The following UBE3C variants were observed in gnomAD, a reference collection of about 807,000 sequenced individuals.
The protein encoded by UBE3C is ubiquitin protein ligase E3C.
A neutral mutation model predicts 129.4 loss-of-function variants in UBE3C; 42 were observed. That is an observed-to-expected ratio of 0.32 (90% CI 0.25 to 0.42). UBE3C has a LOEUF of 0.42. Ranked by LOEUF, UBE3C falls within the 10% of genes least tolerant of loss-of-function variation. UBE3C has a pLI of 1.00. For synonymous variants in UBE3C, 510 were observed against 492.4 expected, an observed-to-expected ratio of 1.04 and a Z score of -0.47; for missense variants, 1,049 against 1,319.1, an observed-to-expected ratio of 0.80 and a Z score of 3.17.
At chr7:157,250,055 C>T (rs747477825) in intron 19 of UBE3C, among the ~76,000 whole-genome samples, 2 of 152,138 alleles carry the variant, frequency 1.3e-5, no homozygotes, top group Non-Finnish European at 2.9e-5. Flanking sequence ...AAGTATTTCA[C>T]TCAGATAAGG....
chr7:157,163,388 C>CAAA (rs367764291), intron 1 of UBE3C, among the ~76,000 whole-genome samples: 3 of 95,216 alleles, frequency 3.2e-5, no homozygotes, highest in Non-Finnish European at 4.4e-5. Flanking sequence ...GACTCCATCT[C>CAAA]AAAAAAAAAA....
chr7:157,262,422 T>C (rs1258837945), intron 22 of UBE3C, among the ~76,000 whole-genome samples: 7 of 130,568 alleles, frequency 5.4e-5, no homozygotes, highest in Non-Finnish European at 9.7e-5. Context: ...TTTTTTTTTT[T>C]TTTTTTTTTT....
rs535922487 is a variant in UBE3C at position 157,225,819 on chromosome 7, C to T, written c.2233+280C>T. On this transcript the variant is annotated intron_variant, in intron 17 of 22. Transcript: ENST00000348165. The stretch of plus-strand genomic sequence containing the variant: ...AAGTGAGCTTATCTGGATGTGTTAG[C>T]GTGCCCCTGTTGTCCCTGCTCTGCA... Among the ~76,000 whole-genome samples, 31 of 152,198 alleles carry T rather than the reference C, an allele frequency of 2.0e-4. 1 individual carries two copies. The South Asian group carries it at 5.6e-3, about 28-fold the overall frequency.
intron 6 of UBE3C, among the ~76,000 whole-genome samples, chr7:157,180,081 A>G (rs1425981659): frequency 3.9e-5 from 6 of 152,234 alleles, no homozygotes; most frequent in East Asian, 3.8e-4. Flanking sequence ...ATGTGTCCCA[A>G]TATACGAAAT....
In UBE3C at chr7:157,207,888, C is replaced by G. The variant is rs540698913; in HGVS notation, c.1762C>G (p.Gln588Glu). Residue 588 changes from glutamine to glutamate, a missense_variant, in exon 13 of 23, where the codon CAA (glutamine) becomes GAA (glutamate). Physicochemically the swap from Gln to Glu is conservative, Grantham distance 29. Around this residue, in one of 4 missense-constraint regions of UBE3C, gnomAD observed 314 missense variants for 416.9 expected, o/e 0.75. Coordinates refer to ENST00000348165, the MANE Select transcript of UBE3C (RefSeq NM_014671.3). Reference protein sequence around the residue: ...SIGVTTSSEMQQCIQMEQKRW... With the variant: ...SIGVTTSSEMEQCIQMEQKRW... Reference sequence around the variant, plus strand: ...TGGAGTTACTACTAGCTCTGAAATGCAACAATGCATACAGATGGAACAGAA... The same window carrying G: ...TGGAGTTACTACTAGCTCTGAAATGGAACAATGCATACAGATGGAACAGAA... The G allele has an allele frequency of 6.2e-7, 1 of 1,612,106 alleles. No homozygotes were observed. The highest frequency in any genetic ancestry group is 1.3e-5 in the African/African-American group (1 of 74,932).
rs112873548 is a variant in UBE3C at position 157,172,071 on chromosome 7, C to T, written c.342+1621C>T. Among the ~76,000 whole-genome samples, 1,052 of 149,554 alleles carry T rather than the reference C, an allele frequency of 7.0e-3. 7 individuals are homozygous for T. Among genetic ancestry groups the T allele is most frequent in the Non-Finnish European group, 9.9e-3 (672 of 67,672 alleles). On this transcript the variant is annotated intron_variant, in intron 4 of 22. Transcript: ENST00000348165. The stretch of plus-strand genomic sequence containing the variant: ...TGAGACGGAGTCTTGCTCACTCTGT[C>T]GCCCAGGCTGGAGTGTAGTGGTGCG...
chr7:157,204,412 AAAAAAAT>A (rs1563055011), intron 11 of UBE3C, among the ~76,000 whole-genome samples: 3 of 151,682 alleles, frequency 2.0e-5, no homozygotes, highest in African/African-American at 7.3e-5. Context: ...AAAAAAAAAA[AAAAAAAT>A]TTCAGCTTCT....
intron 15 of UBE3C, chr7:157,221,177 G>A (rs753859825): frequency 6.0e-5 from 10 of 167,044 alleles, no homozygotes; most frequent in Non-Finnish European, 1.2e-4. Context: ...AAAGACATTT[G>A]GTTATTTTTT....
chr7:157,142,614 C>G (rs1041286945), intron 1 of UBE3C, among the ~76,000 whole-genome samples: 5 of 151,948 alleles, frequency 3.3e-5, no homozygotes, highest in African/African-American at 1.2e-4. Flanking sequence ...TACATTGATT[C>G]AAAGTCACTT....
intron 16 of UBE3C, among the ~76,000 whole-genome samples, chr7:157,224,003 C>G (rs1795806436): frequency 6.6e-6 from 1 of 151,960 alleles, no homozygotes; most frequent in Admixed American, 6.6e-5. Context: ...GTTTATTTAT[C>G]AGAAACGATG....
At chr7:157,140,067 T>C (rs1366412164) in intron 1 of UBE3C, 10 of 981,594 alleles carry the variant, frequency 1.0e-5, no homozygotes, top group Non-Finnish European at 1.2e-5. Flanking sequence ...TCTGTTCTAG[T>C]CTAGAATTTC....
chr7:157,166,178 A>G (rs959939106), intron 2 of UBE3C, among the ~76,000 whole-genome samples: 2 of 152,266 alleles, frequency 1.3e-5, no homozygotes, highest in Non-Finnish European at 2.9e-5. Flanking sequence ...TGCTTTGCTC[A>G]TTCTTTTTTC....
At chr7:157,237,780 T>A (rs926266731) in intron 18 of UBE3C, among the ~76,000 whole-genome samples, 1 of 151,956 alleles carries the variant, frequency 6.6e-6, no homozygotes, top group African/African-American at 2.4e-5. Flanking sequence ...GTGCAGTAGC[T>A]CATACCTGTA....
intron 10 of UBE3C, among the ~76,000 whole-genome samples, chr7:157,188,166 C>G (rs1808862485): frequency 6.6e-6 from 1 of 152,226 alleles, no homozygotes; most frequent in Non-Finnish European, 1.5e-5. Context: ...ACTGATGTTG[C>G]ATAGGCAAAA....
In UBE3C at chr7:157,192,703, T is replaced by A. The variant is rs544800413; in HGVS notation, c.1331+5682T>A. On this transcript the variant is annotated intron_variant, in intron 10 of 22. Transcript: ENST00000348165. Reference sequence around the variant, plus strand: ...TAGAAGGTGGATGAGAATGACAAAATGAGCTGCCTTCGTCGAGAGTGCCCT... The same window carrying A: ...TAGAAGGTGGATGAGAATGACAAAAAGAGCTGCCTTCGTCGAGAGTGCCCT... 4.4e-4 allele frequency: 351 copies of A among 795,192 alleles called. 1 individual carries two copies. In the East Asian group the frequency reaches 7.5e-3, roughly 17 times the overall value. 49.3% of individuals were successfully genotyped at this position (795,192 alleles called of 1,614,324 possible).
rs888056398 is a variant in UBE3C at position 157,207,765 on chromosome 7, C to A, written c.1639C>A (p.Arg547=). 4 of 1,614,070 alleles carry A rather than the reference C, an allele frequency of 2.5e-6. No homozygotes were observed. Among genetic ancestry groups the A allele is most frequent in the Non-Finnish European group, 3.4e-6 (4 of 1,180,012 alleles). The change falls in exon 13 of 23, where the codon CGA becomes AGA. Residue 547 remains arginine (R), a synonymous_variant. Coordinates refer to ENST00000348165, the MANE Select transcript of UBE3C (RefSeq NM_014671.3). The part of the protein sequence containing the change: ...FTLEELIMLS[R]CLRDACLGII... ...TTTAGAAGAGCTGATAATGTTGTCT[C>A]GATGCCTTCGAGATGCATGCCTGGG... is the stretch of plus-strand genomic sequence containing the variant.
At position 157,196,836 on chromosome 7, in the gene UBE3C, G is replaced by A. The variant is rs182527202; in HGVS notation, c.1332-4885G>A. Reference sequence around the variant, plus strand: ...ATACAAAAATGAGCTGGGCGTGGTGGTGCATGCCTGTAATCCCAGCTACTC... The same window carrying A: ...ATACAAAAATGAGCTGGGCGTGGTGATGCATGCCTGTAATCCCAGCTACTC... On this transcript the variant is annotated intron_variant, in intron 10 of 22. Transcript: ENST00000348165. 2.2e-3 allele frequency among the ~76,000 whole-genome samples: 335 copies of A among 152,246 alleles called. 1 individual carries two copies. The highest frequency in any genetic ancestry group is 7.6e-3 in the African/African-American group (315 of 41,536).
intron 22 of UBE3C, among the ~76,000 whole-genome samples, chr7:157,265,388 G>A (rs979958538): frequency 1.3e-5 from 2 of 152,236 alleles, no homozygotes; most frequent in East Asian, 1.9e-4. Context: ...TTGTGTATAC[G>A]AGGAAGGTGG....
chr7:157,161,158 A>C (rs1231490822), intron 1 of UBE3C, among the ~76,000 whole-genome samples: 1 of 152,208 alleles, frequency 6.6e-6, no homozygotes, highest in Non-Finnish European at 1.5e-5. Context: ...TTAAGTTTGT[A>C]GATTAGTTAA....
Sources: gnomAD v4.1 joint callset for allele counts (sites outside exome capture counted in the v4.1 genomes callset) on GRCh38, gnomAD v4.1.1 for gene constraint, gnomAD v4.1.1 regional missense constraint, MANE v1.5 for transcripts, NCBI Gene and HGNC (gene_info 2026-07-23, HGNC 2026-07-21) for gene names.